AGBL4: variants seen among roughly 807,000 people sequenced by gnomAD.
AGBL4 encodes the protein cytosolic carboxypeptidase 6.
A neutral mutation model predicts 66.4 loss-of-function variants in AGBL4; 58 were observed. That is an observed-to-expected ratio of 0.87 (90% confidence interval 0.71 to 1.09). The LOEUF (loss-of-function observed/expected upper bound fraction) is 1.09, where lower values mean the gene tolerates loss of function less well. Ranked by LOEUF, AGBL4 falls within the 50% of genes least tolerant of loss-of-function variation. AGBL4 has a pLI of 0.00. For missense variants in AGBL4, 579 were observed against 631.0 expected (o/e 0.92, Z 0.88); for synonymous variants, 234 against 222.9 (o/e 1.05, Z -0.44).
chr1:49,150,842 T>C (rs1445216386), intron 4 of AGBL4, among the ~76,000 whole-genome samples: 1 of 152,186 alleles, frequency 6.6e-6, no homozygotes, highest in Admixed American at 6.5e-5. Flanking sequence ...AAAGTTTGTT[T>C]GCCTCTTTCC....
intron 2 of AGBL4, among the ~76,000 whole-genome samples, chr1:49,717,472 C>G (rs1336536821): frequency 6.6e-6 from 1 of 151,996 alleles, no homozygotes; most frequent in African/African-American, 2.4e-5. Flanking sequence ...ATTATTATCA[C>G]TTTACTTGGC....
intron 1 of AGBL4, among the ~76,000 whole-genome samples, chr1:49,936,430 A>G (rs1654032338): frequency 6.6e-6 from 1 of 152,240 alleles, no homozygotes; most frequent in South Asian, 2.1e-4. Flanking sequence ...ATTACCCAGG[A>G]GAACTTCCCC....
intron 4 of AGBL4, among the ~76,000 whole-genome samples, chr1:49,227,616 C>T (rs1353319256): frequency 6.6e-6 from 1 of 152,112 alleles, no homozygotes. Context: ...ATGTCTATGT[C>T]CAGTTGTCTT....
chr1:49,316,121 C>T (rs187490331), intron 3 of AGBL4, among the ~76,000 whole-genome samples: 11 of 151,840 alleles, frequency 7.2e-5, no homozygotes, highest in Middle Eastern at 3.4e-3. Flanking sequence ...GAGAAAGGGA[C>T]GAATAGGTGG....
intron 2 of AGBL4, among the ~76,000 whole-genome samples, chr1:49,771,897 T>C (rs1209735078): frequency 1.3e-5 from 2 of 152,064 alleles, no homozygotes; most frequent in Non-Finnish European, 2.9e-5. Flanking sequence ...TATAGCAACA[T>C]ATAGTTGGAT....
intron 1 of AGBL4, among the ~76,000 whole-genome samples, chr1:49,868,436 C>G (rs1315199272): frequency 6.6e-6 from 1 of 151,432 alleles, no homozygotes; most frequent in Non-Finnish European, 1.5e-5. Context: ...AGGCCAATGG[C>G]ACAGAATAGA....
intron 3 of AGBL4, among the ~76,000 whole-genome samples, chr1:49,366,910 G>C (rs2148545606): frequency 6.6e-6 from 1 of 152,286 alleles, no homozygotes; most frequent in South Asian, 2.1e-4. Context: ...AAGCAGGCTA[G>C]AGGCAGGAGG....
intron 3 of AGBL4, among the ~76,000 whole-genome samples, chr1:49,596,265 T>C (rs1469272642): frequency 6.6e-6 from 1 of 152,100 alleles, no homozygotes; most frequent in East Asian, 1.9e-4. Context: ...CCTCATGGGT[T>C]CAAGCAATTC....
intron 2 of AGBL4, among the ~76,000 whole-genome samples, chr1:49,764,767 C>A (rs1652612350): frequency 6.6e-6 from 1 of 152,062 alleles, no homozygotes; most frequent in Admixed American, 6.6e-5. Context: ...AACAGAGGAT[C>A]CATAAAGTTA....
chr1:49,582,505 G>T (rs900155959), intron 3 of AGBL4, among the ~76,000 whole-genome samples: 1 of 152,162 alleles, frequency 6.6e-6, no homozygotes, highest in African/African-American at 2.4e-5. Context: ...GACCAAGCCT[G>T]CATAGCAACT....
At chr1:48,715,705 G>GTGTGTT (rs1647039063) in intron 6 of AGBL4, among the ~76,000 whole-genome samples, 1 of 151,600 alleles carries the variant, frequency 6.6e-6, no homozygotes, top group Admixed American at 6.6e-5. Flanking sequence ...GGAAAAAAAT[G>GTGTGTT]TGTTTCCTTT....
At chr1:49,590,109 T>C (rs2124071413) in intron 3 of AGBL4, among the ~76,000 whole-genome samples, 1 of 152,130 alleles carries the variant, frequency 6.6e-6, no homozygotes, top group Middle Eastern at 3.4e-3. Flanking sequence ...CCTTTGACCC[T>C]GTAATTCAAA....
At chr1:49,212,892 G>A (rs759651984) in intron 4 of AGBL4, among the ~76,000 whole-genome samples, 7 of 151,972 alleles carry the variant, frequency 4.6e-5, no homozygotes, top group Non-Finnish European at 7.4e-5. Context: ...CATCCTTTAC[G>A]CATGTTAAAT....
At chr1:48,649,711 G>A (rs1645896850) in intron 8 of AGBL4, among the ~76,000 whole-genome samples, 2 of 152,144 alleles carry the variant, frequency 1.3e-5, no homozygotes, top group Non-Finnish European at 2.9e-5. Flanking sequence ...AAACTTAGCT[G>A]ATGAAATCTG....
intron 2 of AGBL4, among the ~76,000 whole-genome samples, chr1:49,805,382 G>A (rs1038862722): frequency 1.3e-5 from 2 of 152,080 alleles, no homozygotes; most frequent in African/African-American, 4.8e-5. Flanking sequence ...CAGGGAAAAA[G>A]AAATTACAGC....
intron 3 of AGBL4, among the ~76,000 whole-genome samples, chr1:49,421,522 C>A (rs1645546175): frequency 6.6e-6 from 1 of 152,054 alleles, no homozygotes; most frequent in Non-Finnish European, 1.5e-5. Flanking sequence ...TGTTTGTTAT[C>A]AAGCAAAAAT....
chr1:48,895,498 C>T (rs1651414033), intron 5 of AGBL4, among the ~76,000 whole-genome samples: 1 of 152,232 alleles, frequency 6.6e-6, no homozygotes, highest in African/African-American at 2.4e-5. Flanking sequence ...TCAATCATTT[C>T]TGGAATGGAA....
chr1:49,679,250 C>A (rs909238073), intron 3 of AGBL4, among the ~76,000 whole-genome samples: 1 of 152,052 alleles, frequency 6.6e-6, no homozygotes, highest in African/African-American at 2.4e-5. Flanking sequence ...GAAGAAGATG[C>A]CTTCTTGGTG....
intron 3 of AGBL4, among the ~76,000 whole-genome samples, chr1:49,621,373 G>T (rs188216075): frequency 1.2e-4 from 19 of 152,254 alleles, no homozygotes; most frequent in Non-Finnish European, 2.2e-4. Context: ...TATCAAACTA[G>T]AACTTTTTAA....
Sources: allele counts gnomAD v4.1 joint callset (sites outside exome capture counted in the v4.1 genomes callset), GRCh38; gene constraint gnomAD v4.1.1; transcripts MANE v1.5; gene names NCBI Gene and HGNC (gene_info 2026-07-23, HGNC 2026-07-21).